Variants in ANKS1B observed in about 807,000 individuals in gnomAD.
ANKS1B encodes the protein ankyrin repeat and sterile alpha motif domain containing 1B.
Under a neutral mutation model 148.3 loss-of-function variants are expected in ANKS1B, and 36 were observed. The observed-to-expected ratio is 0.24, with a 90% CI of 0.19 to 0.32. The LOEUF (loss-of-function observed/expected upper bound fraction) is 0.32. Ranked by LOEUF, ANKS1B falls within the 10% of genes least tolerant of loss-of-function variation. ANKS1B has a pLI of 1.00. For missense variants in ANKS1B, 1,157 were observed against 1,542.6 expected (o/e 0.75, Z 4.19); for synonymous variants, 542 against 560.8 (o/e 0.97, Z 0.47).
intron 3 of ANKS1B, among the ~76,000 whole-genome samples, chr12:99,807,216 T>C (rs897325167): frequency 1.3e-5 from 2 of 152,144 alleles, no homozygotes; most frequent in African/African-American, 2.4e-5. Flanking sequence ...GCAAAGAAAA[T>C]GAAAAGATTT....
intron 1 of ANKS1B, among the ~76,000 whole-genome samples, chr12:99,869,413 C>T (rs2091193586): frequency 6.6e-6 from 1 of 152,112 alleles, no homozygotes; most frequent in Non-Finnish European, 1.5e-5. Context: ...GTGGCTCACG[C>T]CTGTAATCCC....
At chr12:99,098,987 T>C (rs1180105364) in intron 15 of ANKS1B, among the ~76,000 whole-genome samples, 1 of 152,128 alleles carries the variant, frequency 6.6e-6, no homozygotes, top group African/African-American at 2.4e-5. Flanking sequence ...CCTTAGATCA[T>C]GGGAGGTCTT....
intron 15 of ANKS1B, among the ~76,000 whole-genome samples, chr12:99,113,742 C>T (rs2060761668): frequency 6.6e-6 from 1 of 152,156 alleles, no homozygotes; most frequent in African/African-American, 2.4e-5. Context: ...AGGCCCTTGA[C>T]TGAACTTCCT....
intron 14 of ANKS1B, among the ~76,000 whole-genome samples, chr12:99,158,270 A>C (rs756662806): frequency 1.3e-4 from 20 of 152,140 alleles, no homozygotes; most frequent in Admixed American, 2.6e-4. Context: ...ATAACAACAC[A>C]CTAATTAGGC....
chr12:98,894,636 C>T, intron 17 of ANKS1B: 1 of 985,184 alleles, frequency 1.0e-6, no homozygotes, highest in Non-Finnish European at 1.2e-6. Context: ...TCACCCGAGC[C>T]GCTCGGGCTG....
At chr12:99,780,952 CTGT>C (rs1488560439) in intron 5 of ANKS1B, among the ~76,000 whole-genome samples, 2 of 151,418 alleles carry the variant, frequency 1.3e-5, no homozygotes, top group African/African-American at 2.4e-5. Flanking sequence ...ACTAAAACAC[CTGT>C]TATTATTTTA....
intron 16 of ANKS1B, among the ~76,000 whole-genome samples, chr12:99,079,049 C>G (rs562233343): frequency 6.6e-6 from 1 of 152,154 alleles, no homozygotes; most frequent in Non-Finnish European, 1.5e-5. Context: ...GGCCTCAGTC[C>G]GAAAATCCCT....
chr12:99,798,652 A>C (rs905288741), intron 4 of ANKS1B, among the ~76,000 whole-genome samples: 1 of 152,008 alleles, frequency 6.6e-6, no homozygotes, highest in Non-Finnish European at 1.5e-5. Context: ...CATCGTGTGA[A>C]GAATAAAGGT....
At chr12:99,186,380 G>C (rs1260653278) in intron 14 of ANKS1B, among the ~76,000 whole-genome samples, 2 of 152,182 alleles carry the variant, frequency 1.3e-5, no homozygotes, top group African/African-American at 4.8e-5. Flanking sequence ...CACATTGATT[G>C]AGCTCTGCTA....
intron 8 of ANKS1B, among the ~76,000 whole-genome samples, chr12:99,714,656 T>A (rs2057068154): frequency 6.6e-6 from 1 of 152,154 alleles, no homozygotes; most frequent in African/African-American, 2.4e-5. Context: ...AATCAATAAA[T>A]GTTGTATGTG....
chr12:98,972,538 A>G (rs913426191), intron 17 of ANKS1B, among the ~76,000 whole-genome samples: 6 of 152,246 alleles, frequency 3.9e-5, no homozygotes, highest in Non-Finnish European at 8.8e-5. Flanking sequence ...ATCATTGCCC[A>G]GCTGCACACA....
At chr12:99,707,130 T>C (rs777558600) in intron 8 of ANKS1B, among the ~76,000 whole-genome samples, 5 of 152,096 alleles carry the variant, frequency 3.3e-5, no homozygotes. Flanking sequence ...AAAGAGACCA[T>C]GATTTGAGCA....
intron 1 of ANKS1B, among the ~76,000 whole-genome samples, chr12:99,919,006 A>T (rs1286410696): frequency 1.3e-5 from 2 of 152,236 alleles, no homozygotes. Flanking sequence ...AGGTAAATCA[A>T]CCAGGCTAGG....
chr12:99,391,520 A>C (rs1472983807), intron 12 of ANKS1B, among the ~76,000 whole-genome samples: 3 of 152,214 alleles, frequency 2.0e-5, no homozygotes, highest in Admixed American at 1.3e-4. Flanking sequence ...AGCCCCACTC[A>C]TTGTTGGCAT....
intron 1 of ANKS1B, among the ~76,000 whole-genome samples, chr12:99,856,303 G>A (rs898438002): frequency 6.6e-6 from 1 of 152,006 alleles, no homozygotes; most frequent in Non-Finnish European, 1.5e-5. Context: ...ACATAACATA[G>A]AAAACCTAGT....
At chr12:99,370,494 T>C (rs938386990) in intron 12 of ANKS1B, among the ~76,000 whole-genome samples, 1 of 152,136 alleles carries the variant, frequency 6.6e-6, no homozygotes, top group African/African-American at 2.4e-5. Context: ...GATGAGTTAC[T>C]AGAATCTCTT....
intron 17 of ANKS1B, among the ~76,000 whole-genome samples, chr12:98,867,144 C>A (rs2099628723): frequency 1.3e-5 from 2 of 152,142 alleles, no homozygotes; most frequent in East Asian, 3.9e-4. Context: ...CATGAGGCAG[C>A]CACCCAGAGG....
intron 17 of ANKS1B, among the ~76,000 whole-genome samples, chr12:98,874,404 A>C (rs906224259): frequency 6.6e-6 from 1 of 152,220 alleles, no homozygotes; most frequent in African/African-American, 2.4e-5. Flanking sequence ...GAATTTTATT[A>C]GGGCATTTGG....
chr12:99,184,304 T>C (rs1358554892), intron 14 of ANKS1B, among the ~76,000 whole-genome samples: 4 of 152,084 alleles, frequency 2.6e-5, no homozygotes, highest in African/African-American at 9.7e-5. Context: ...ATTAAAGAAG[T>C]GGGAGGTCAA....
Sources: allele counts gnomAD v4.1 joint callset (sites outside exome capture counted in the v4.1 genomes callset), GRCh38; gene constraint gnomAD v4.1.1; transcripts MANE v1.5; gene names NCBI Gene and HGNC (gene_info 2026-07-23, HGNC 2026-07-21).